Variants in TRIM5 observed in about 807,000 individuals in gnomAD.
The protein encoded by TRIM5 is tripartite motif-containing protein 5.
Under a neutral mutation model 35.6 loss-of-function variants are expected in TRIM5, and 31 were observed. The ratio of observed to expected loss-of-function variants is 0.87; its 90% CI spans 0.65 to 1.18. The LOEUF is 1.18. TRIM5 is among the 50% of genes most tolerant of loss of function. The probability of loss-of-function intolerance (pLI) is 0.00; values close to 1 mark genes in which losing one functional copy is unlikely to be tolerated. For missense variants in TRIM5, 609 were observed against 591.6 expected (o/e 1.03, Z -0.31); for synonymous variants, 243 against 215.6 (o/e 1.13, Z -1.11).
In TRIM5 at chr11:5,664,184, A is replaced by G; in HGVS notation, c.*625T>C. The G allele has an allele frequency of 1.1e-6, 1 of 898,488 alleles. No individual in the cohort carries two copies. The highest frequency in any genetic ancestry group is 1.3e-6 in the Non-Finnish European group (1 of 757,544). 55.7% of individuals were successfully genotyped at this position (898,488 alleles called of 1,614,324 possible). ...CCATTGCACTCCAGCCTGGGGAACA[A>G]GAGCAAAACTTCATCTCAAAAAAAA... On this transcript the variant is annotated 3_prime_UTR_variant, in exon 8 of 8. Transcript: ENST00000380034.
chr11:5,653,693 G>A, the TRIM5 span, among the ~76,000 whole-genome samples: 10 of 151,454 alleles, frequency 6.6e-5, no homozygotes, highest in African/African-American at 1.7e-4. Flanking sequence ...GGTTTTTACC[G>A]TGTTGGTCAG....
At position 5,665,379 on chromosome 11, in the gene TRIM5, A is replaced by G; in HGVS notation, c.912T>C (p.Ala304=). 2 of 1,609,566 alleles carry G rather than the reference A, an allele frequency of 1.2e-6. No homozygotes were observed. Among genetic ancestry groups the G allele is most frequent in the Non-Finnish European group, 1.7e-6 (2 of 1,177,688 alleles). Residue 304 remains alanine, a synonymous_variant, in exon 8 of 8, where the codon GCT becomes GCC. Coordinates refer to ENST00000380034, the MANE Select transcript of TRIM5 (RefSeq NM_033034.3). ...TGACAGCACATGAAATGTTGTTTGG[A>G]GCCACTGTCACATCAACTGTAGAAA... is the stretch of plus-strand genomic sequence containing the variant. The part of the protein sequence containing the change: ...VRRYWVDVTV[A]PNNISCAVIS...
chr11:5,611,207 C>G, the TRIM5 span: 5 of 1,614,108 alleles, frequency 3.1e-6, no homozygotes, highest in Non-Finnish European at 4.2e-6. Context: ...CTGGTACTGT[C>G]TCCTTTTATA....
chr11:5,654,458 G>A, the TRIM5 span, among the ~76,000 whole-genome samples: 1 of 152,296 alleles, frequency 6.6e-6, no homozygotes, highest in Non-Finnish European at 1.5e-5. Flanking sequence ...TGCTTAGGCT[G>A]TGGTTGTTAG....
At chr11:5,610,820 C>G in the TRIM5 span, 1 of 1,614,156 alleles carries the variant, frequency 6.2e-7, no homozygotes, top group South Asian at 1.1e-5. Context: ...TAAATCTTGT[C>G]CTGGCTAAAA....
chr11:5,641,079 C>T, the TRIM5 span: 14 of 1,458,898 alleles, frequency 9.6e-6, no homozygotes, highest in South Asian at 1.5e-5. Context: ...CTGATTTTTC[C>T]ATTTTTTTTC....
At chr11:5,654,357 T>C in the TRIM5 span, among the ~76,000 whole-genome samples, 2 of 152,224 alleles carry the variant, frequency 1.3e-5, no homozygotes, top group Non-Finnish European at 2.9e-5. Context: ...AGTAGGGTAC[T>C]GAGGCTTTGA....
chr11:5,611,510 C>A, the TRIM5 span: 2 of 627,720 alleles, frequency 3.2e-6, no homozygotes, highest in African/African-American at 1.8e-5. Context: ...CTGGAGTGCA[C>A]TGGCGCAATC....
At chr11:5,677,452 C>A (rs1852077739) in intron 4 of TRIM5, among the ~76,000 whole-genome samples, 1 of 152,208 alleles carries the variant, frequency 6.6e-6, no homozygotes, top group Non-Finnish European at 1.5e-5. Flanking sequence ...AGTCTGGAAA[C>A]AACAGGTGCT....
the TRIM5 span, among the ~76,000 whole-genome samples, chr11:5,642,005 C>T: frequency 0.29 from 43,759 of 151,962 alleles, 7,079 homozygotes; most frequent in East Asian, 0.62. Flanking sequence ...CTCAGAATAC[C>T]ACATCTCTGG....
the TRIM5 span, chr11:5,632,395 T>C: frequency 1.2e-6 from 2 of 1,613,868 alleles, no homozygotes; most frequent in Admixed American, 1.7e-5. Flanking sequence ...CCTGGAGCTG[T>C]TGACAGAACC....
chr11:5,667,649 TC>T (rs1851245051), intron 5 of TRIM5, 39 bp downstream of exon 5: 1 of 1,609,694 alleles, frequency 6.2e-7, no homozygotes, highest in Non-Finnish European at 8.5e-7. Context: ...AAATCTCTCC[TC>T]ACTGCACAAA....
At chr11:5,673,174 C>T (rs1851701176) in intron 4 of TRIM5, among the ~76,000 whole-genome samples, 3 of 151,978 alleles carry the variant, frequency 2.0e-5, no homozygotes, top group African/African-American at 7.2e-5. Context: ...GTTATCACTA[C>T]CTATAGGAGA....
Position 5,673,326 on chromosome 11 carries a change from G to A in TRIM5, c.744+4878C>T, listed in dbSNP as rs187745893. Among the ~76,000 whole-genome samples, 1,262 of 152,096 alleles carry A rather than the reference G, an allele frequency of 8.3e-3. 15 individuals are homozygous for A. Among genetic ancestry groups the A allele is most frequent in the Non-Finnish European group, 0.014 (978 of 67,940 alleles). On this transcript the variant is annotated intron_variant, in intron 4 of 7. Coordinates refer to ENST00000380034, the MANE Select transcript of TRIM5 (RefSeq NM_033034.3). ...CTTTAAGGCAAGAACTGCTATGTGA[G>A]AATAACAGGAATATTTCATAATGAA... is the stretch of plus-strand genomic sequence containing the variant.
chr11:5,600,339 C>T, the TRIM5 span, among the ~76,000 whole-genome samples: 1 of 152,124 alleles, frequency 6.6e-6, no homozygotes, highest in African/African-American at 2.4e-5. Context: ...TAATTAAATT[C>T]TTGCTGAATA....
the TRIM5 span, among the ~76,000 whole-genome samples, chr11:5,622,808 C>G: frequency 6.6e-6 from 1 of 152,278 alleles, no homozygotes; most frequent in African/African-American, 2.4e-5. Context: ...AACTCTCAAT[C>G]AATTTAGGAA....
chr11:5,653,288 T>A, the TRIM5 span, among the ~76,000 whole-genome samples: 1 of 152,182 alleles, frequency 6.6e-6, no homozygotes, highest in African/African-American at 2.4e-5. Context: ...AGTTTGAATC[T>A]AATGTGCCTT....
At chr11:5,658,879 A>G (rs1324415198), downstream of TRIM5, among the ~76,000 whole-genome samples, 2 of 152,154 alleles carry the variant, frequency 1.3e-5, no homozygotes. Flanking sequence ...GGAAACCATC[A>G]TTCTCAGCAA....
the TRIM5 span, among the ~76,000 whole-genome samples, chr11:5,602,208 A>G: frequency 6.6e-6 from 1 of 152,128 alleles, no homozygotes; most frequent in Non-Finnish European, 1.5e-5. Flanking sequence ...TGGGAGGCCA[A>G]GGCGGGCGGA....
Sources: gnomAD v4.1 joint callset for allele counts (sites outside exome capture counted in the v4.1 genomes callset) on GRCh38, gnomAD v4.1.1 for gene constraint, MANE v1.5 for transcripts, NCBI Gene and HGNC (gene_info 2026-07-23, HGNC 2026-07-21) for gene names.